ACER3: variants seen among roughly 807,000 people sequenced by gnomAD.
ACER3 encodes alkaline ceramidase 3.
A neutral mutation model predicts 48.9 loss-of-function variants in ACER3; 16 were observed. The observed-to-expected ratio is 0.33, with a 90% CI of 0.22 to 0.50. The LOEUF (loss-of-function observed/expected upper bound fraction) is 0.50, where lower values mean the gene tolerates loss of function less well. Ranked by LOEUF, ACER3 falls within the 20% of genes least tolerant of loss-of-function variation. ACER3 has a pLI of 0.98. For synonymous variants in ACER3, 109 were observed against 107.8 expected (o/e 1.01, Z -0.07); for missense variants, 227 against 326.0 (o/e 0.70, Z 2.34).
intron 1 of ACER3, among the ~76,000 whole-genome samples, chr11:76,922,769 A>G (rs1400154703): frequency 6.6e-6 from 1 of 152,144 alleles, no homozygotes; most frequent in African/African-American, 2.4e-5. Context: ...TAAATTGTAT[A>G]ATTTCTTAAC....
At chr11:77,005,577 A>G (rs186819764) in intron 7 of ACER3, among the ~76,000 whole-genome samples, 2 of 152,064 alleles carry the variant, frequency 1.3e-5, no homozygotes, top group African/African-American at 4.8e-5. Context: ...TCCCTCTGAG[A>G]CCAGTTGGGA....
intron 7 of ACER3, among the ~76,000 whole-genome samples, chr11:77,005,323 G>A (rs1949112833): frequency 6.6e-6 from 1 of 151,980 alleles, no homozygotes; most frequent in Non-Finnish European, 1.5e-5. Flanking sequence ...TCTTTGTATT[G>A]CTTTTTAGTG....
chr11:76,870,682 C>T (rs1443964028), intron 1 of ACER3, among the ~76,000 whole-genome samples: 1 of 152,088 alleles, frequency 6.6e-6, no homozygotes, highest in African/African-American at 2.4e-5. Flanking sequence ...TATTATTACT[C>T]CTACATAAGT....
chr11:76,962,272 G>A (rs1948016356), intron 3 of ACER3, among the ~76,000 whole-genome samples: 1 of 133,502 alleles, frequency 7.5e-6, no homozygotes, highest in South Asian at 2.3e-4. Context: ...AGTGACACTG[G>A]AATGTAGTGT....
chr11:77,017,000 G>A (rs1455464452), intron 9 of ACER3, among the ~76,000 whole-genome samples: 2 of 151,992 alleles, frequency 1.3e-5, no homozygotes, highest in East Asian at 3.9e-4. Flanking sequence ...CCAAACTTAT[G>A]ACATGCAGCA....
chr11:76,909,005 A>G (rs1156368223), intron 1 of ACER3, among the ~76,000 whole-genome samples: 2 of 152,234 alleles, frequency 1.3e-5, no homozygotes, highest in Non-Finnish European at 2.9e-5. Context: ...AACCTGACAA[A>G]AACAAGAAAT....
chr11:76,980,388 T>C (rs937745623), intron 4 of ACER3, among the ~76,000 whole-genome samples: 20 of 151,994 alleles, frequency 1.3e-4, no homozygotes, highest in Admixed American at 1.2e-3. Context: ...TAAGTATTAG[T>C]GCTAGGAGCT....
intron 3 of ACER3, among the ~76,000 whole-genome samples, chr11:76,968,271 C>T (rs1384204074): frequency 6.7e-6 from 1 of 150,346 alleles, no homozygotes; most frequent in Non-Finnish European, 1.5e-5. Context: ...AACTACAAAC[C>T]ACTGCTCAAG....
chr11:76,878,191 G>C (rs1390434710), intron 1 of ACER3, among the ~76,000 whole-genome samples: 3 of 151,966 alleles, frequency 2.0e-5, no homozygotes, highest in Non-Finnish European at 2.9e-5. Context: ...ATACTTAGGA[G>C]TGTAATTGTT....
At chr11:76,884,503 A>G (rs186612405) in intron 1 of ACER3, among the ~76,000 whole-genome samples, 3 of 152,234 alleles carry the variant, frequency 2.0e-5, no homozygotes, top group Non-Finnish European at 2.9e-5. Context: ...TTTAATATCT[A>G]TTGGATCAAG....
intron 1 of ACER3, chr11:76,867,977 GA>G: frequency 1.7e-6 from 1 of 577,840 alleles, no homozygotes; most frequent in Non-Finnish European, 2.6e-6. Flanking sequence ...TTAGATGGGG[GA>G]ACAAGGTCTT....
At chr11:76,882,014 T>C (rs1461845847) in intron 1 of ACER3, among the ~76,000 whole-genome samples, 1 of 149,046 alleles carries the variant, frequency 6.7e-6, no homozygotes, top group African/African-American at 2.5e-5. Context: ...TTTTTTTTTT[T>C]TTTTTTTTGA....
intron 1 of ACER3, among the ~76,000 whole-genome samples, chr11:76,899,434 CA>C (rs1435587779): frequency 6.6e-6 from 1 of 152,144 alleles, no homozygotes; most frequent in African/African-American, 2.4e-5. Flanking sequence ...TTTGGAATAT[CA>C]GTTGGAAACA....
intron 1 of ACER3, among the ~76,000 whole-genome samples, chr11:76,896,279 G>A (rs996341986): frequency 1.3e-5 from 2 of 152,058 alleles, no homozygotes; most frequent in Non-Finnish European, 1.5e-5. Flanking sequence ...TTGTACAAAA[G>A]CCCATGCTTC....
chr11:76,948,208 ACT>A (rs1301926142), intron 2 of ACER3, among the ~76,000 whole-genome samples: 2 of 90,972 alleles, frequency 2.2e-5, no homozygotes, highest in African/African-American at 4.0e-5. Context: ...ATTCTGGCTC[ACT>A]CTGTGTGTGT....
rs1194235775 is a variant in ACER3 at position 76,920,112 on chromosome 11, T to C, written c.104-6445T>C. Among the ~76,000 whole-genome samples the C allele has an allele frequency of 2.0e-5, 3 of 152,184 alleles. No homozygotes were observed. In the South Asian group the frequency reaches 6.2e-4, roughly 32 times the overall value. Reference sequence around the variant, plus strand: ...TCTGGTGTGCTGGCTTGGCAACTTCTCTGGCGCCAGCTCTTGCAGTCCAAG... The same window carrying C: ...TCTGGTGTGCTGGCTTGGCAACTTCCCTGGCGCCAGCTCTTGCAGTCCAAG... On this transcript the variant is annotated intron_variant, in intron 1 of 10. Transcript: ENST00000532485.
In ACER3 at chr11:77,025,392, T is replaced by TTATATATATATATATATATATATA. The variant is rs149589077; in HGVS notation, c.*5084_*5085insATATATATATATATATATATATAT. On this transcript the variant is annotated 3_prime_UTR_variant, in exon 11 of 11. Transcript: ENST00000532485. Reference sequence around the variant, plus strand: ...TGGTTATTTTATTTTATTTTATTCTTTATATATATATATATATATTTATTT... The same window carrying TTATATATATATATATATATATATA: ...TGGTTATTTTATTTTATTTTATTCTTTATATATATATATATATATATATATATATATATATATATATATTTATTT... 5.9e-5 allele frequency: 8 copies of TTATATATATATATATATATATATA among 135,826 alleles called. No homozygotes were observed. The highest frequency in any genetic ancestry group is 2.2e-4 in the African/African-American group (7 of 32,286). The allele number at this position is 135,826 out of a possible 1,614,324, so 8.4% of individuals were successfully genotyped here. A position where few individuals can be genotyped will look rare whatever the true frequency, so the allele number is the denominator to read the frequency against.
chr11:76,953,396 G>A (rs1367511940), intron 2 of ACER3, among the ~76,000 whole-genome samples: 1 of 152,072 alleles, frequency 6.6e-6, no homozygotes, highest in East Asian at 1.9e-4. Context: ...GTCAGGAGTT[G>A]AGACCAGCCT....
At chr11:76,889,132 G>A (rs140716527) in intron 1 of ACER3, among the ~76,000 whole-genome samples, 2 of 152,164 alleles carry the variant, frequency 1.3e-5, no homozygotes, top group African/African-American at 4.8e-5. Context: ...ATCCTTGTGT[G>A]GTCCAAGGCC....
Sources: allele counts gnomAD v4.1 joint callset (sites outside exome capture counted in the v4.1 genomes callset), GRCh38; gene constraint gnomAD v4.1.1; transcripts MANE v1.5; gene names NCBI Gene and HGNC (gene_info 2026-07-23, HGNC 2026-07-21).